Variants in LPP observed in about 807,000 individuals in gnomAD.
LPP encodes the protein lipoma-preferred partner.
A neutral mutation model predicts 60.4 loss-of-function variants in LPP; 38 were observed. The ratio of observed to expected loss-of-function variants is 0.63; its 90% CI spans 0.49 to 0.83. LPP has a LOEUF of 0.83. Ranked by LOEUF, LPP falls within the 40% of genes least tolerant of loss-of-function variation. LPP has a pLI of 0.00. For missense variants in LPP, 902 were observed against 783.6 expected (o/e 1.15, Z -1.80); for synonymous variants, 328 against 290.8 (o/e 1.13, Z -1.30).
intron 4 of LPP, among the ~76,000 whole-genome samples, chr3:188,417,124 A>G (rs1786514454): frequency 6.6e-6 from 1 of 152,038 alleles, no homozygotes; most frequent in Non-Finnish European, 1.5e-5. Context: ...GGGATGTGGC[A>G]TCCTGAGTCT....
At chr3:188,305,435 T>TTTCCACAAATACAATACAC in intron 2 of LPP, among the ~76,000 whole-genome samples, 1 of 152,158 alleles carries the variant, frequency 6.6e-6, no homozygotes, top group Non-Finnish European at 1.5e-5. Context: ...AAATCTGAGA[T>TTTCCACAAATACAATACAC]AGGTACAAAT....
At chr3:188,762,156 G>C (rs1732581737) in intron 9 of LPP, among the ~76,000 whole-genome samples, 1 of 152,108 alleles carries the variant, frequency 6.6e-6, no homozygotes, top group Admixed American at 6.6e-5. Context: ...GACAGTATTG[G>C]GAAACAGTGT....
rs1354710901 is a variant in LPP, at chr3:188,212,046, A to G, written c.-189-13359A>G. On this transcript the variant is annotated intron_variant, in intron 1 of 11. Coordinates refer to ENST00000617246, the MANE Select transcript of LPP (RefSeq NM_001375462.1). ...GCTAATTTTTGTATTTTTAGTAGAG[A>G]CCAGTTTTCACCATGTTGGCCAGGC... Among the ~76,000 whole-genome samples the G allele has an allele frequency of 7.9e-5, 12 of 151,970 alleles. No individual in the cohort carries two copies. The East Asian group carries it at 2.3e-3, about 29-fold the overall frequency.
chr3:188,810,713 C>T lies in LPP; in HGVS notation c.1410+50431C>T, dbSNP rs772284750. ...ATCTTCCACGGATAAAAGGACACTACGGTAGTTGGTTGTTCTGCAGCCTCA... is the reference window on the plus strand; with the variant it reads ...ATCTTCCACGGATAAAAGGACACTATGGTAGTTGGTTGTTCTGCAGCCTCA... On this transcript the variant is annotated intron_variant, in intron 9 of 11. Transcript: ENST00000617246. Among the ~76,000 whole-genome samples, 9 of 152,200 alleles carry T rather than the reference C, an allele frequency of 5.9e-5. No individual in the cohort carries two copies. In the South Asian group the frequency reaches 8.3e-4, roughly 14 times the overall value.
chr3:188,530,853 G>A (rs970880587), intron 6 of LPP, among the ~76,000 whole-genome samples: 1 of 152,166 alleles, frequency 6.6e-6, no homozygotes, highest in African/African-American at 2.4e-5. Context: ...CAACCCATTA[G>A]GTAGGCATGA....
At chr3:188,391,747 A>G (rs1378527579) in intron 3 of LPP, among the ~76,000 whole-genome samples, 1 of 152,010 alleles carries the variant, frequency 6.6e-6, no homozygotes, top group Non-Finnish European at 1.5e-5. Flanking sequence ...CAAAAGCCAT[A>G]GTCAGAATGA....
intron 2 of LPP, among the ~76,000 whole-genome samples, chr3:188,313,081 T>C (rs151301784): frequency 0.022 from 3,288 of 151,846 alleles, 129 homozygotes; most frequent in African/African-American, 0.075. Flanking sequence ...CATGTATACA[T>C]ATGTAACAAA....
At chr3:188,769,819 T>G (rs76502094) in intron 9 of LPP, among the ~76,000 whole-genome samples, 1,927 of 152,206 alleles carry the variant, frequency 0.013, 25 homozygotes, top group African/African-American at 0.028. Flanking sequence ...AAGATTTTGG[T>G]TGGAGAGTGT....
intron 1 of LPP, among the ~76,000 whole-genome samples, chr3:188,198,520 G>A (rs549905062): frequency 1.5e-4 from 23 of 152,152 alleles, no homozygotes; most frequent in Non-Finnish European, 3.2e-4. Context: ...GTAGGCACTG[G>A]GTGGAGTGCT....
At chr3:188,204,124 A>G (rs1000475720) in intron 1 of LPP, among the ~76,000 whole-genome samples, 3 of 152,158 alleles carry the variant, frequency 2.0e-5, no homozygotes, top group African/African-American at 7.2e-5. Flanking sequence ...CTGTGCAGTA[A>G]AGAGGTTTTG....
At chr3:188,522,763 T>A (rs1346777150) in intron 5 of LPP, among the ~76,000 whole-genome samples, 1 of 142,922 alleles carries the variant, frequency 7.0e-6, no homozygotes, top group African/African-American at 2.6e-5. Flanking sequence ...GGTGGCTGTT[T>A]TAGATAATGT....
At position 188,509,414 on chromosome 3, in the gene LPP, A is replaced by G. The variant is rs116690102; in HGVS notation, c.307-15251A>G. ...CATCACATCCAGTTTAATCCTTTCT[A>G]TCTTAACCTGGTTAGGCATATATTT... On this transcript the variant is annotated intron_variant, in intron 5 of 11. Coordinates refer to ENST00000617246, the MANE Select transcript of LPP (RefSeq NM_001375462.1). Among the ~76,000 whole-genome samples the G allele has an allele frequency of 5.6e-3, 856 of 152,264 alleles. 12 individuals carry two copies. The highest frequency in any genetic ancestry group is 0.02 in the African/African-American group (822 of 41,558).
At chr3:188,271,662 G>C (rs1737773796) in intron 2 of LPP, among the ~76,000 whole-genome samples, 1 of 152,170 alleles carries the variant, frequency 6.6e-6, no homozygotes, top group Admixed American at 6.5e-5. Context: ...ATTTTCAACA[G>C]ACTAAAATTG....
intron 6 of LPP, among the ~76,000 whole-genome samples, chr3:188,604,940 C>G (rs78724349): frequency 6.6e-6 from 1 of 152,044 alleles, no homozygotes; most frequent in African/African-American, 2.4e-5. Flanking sequence ...TCCTAGGAAT[C>G]AGCTAGATAA....
At chr3:188,235,917 A>G (rs1214397758) in intron 2 of LPP, among the ~76,000 whole-genome samples, 2 of 152,120 alleles carry the variant, frequency 1.3e-5, no homozygotes, top group Non-Finnish European at 2.9e-5. Flanking sequence ...TCTAGATTGT[A>G]GAAGCTCCTT....
Position 188,572,769 on chromosome 3 carries a change from C to T in LPP, c.430-36392C>T, listed in dbSNP as rs1052700142. Among the ~76,000 whole-genome samples the T allele has an allele frequency of 4.6e-5, 7 of 151,994 alleles. No individual in the cohort carries two copies. Among genetic ancestry groups the T allele is most frequent in the Admixed American group, 3.9e-4 (6 of 15,242 alleles). On this transcript the variant is annotated intron_variant, in intron 6 of 11. Transcript: ENST00000617246. This position sits in a 1 kb window ranked among gnomAD's most constrained non-coding sequence, Gnocchi z 4.1. ...GTAGTAACAAATACTTACCAAATCT[C>T]GGTACTGAAAACAAGGGTTTATTTC...
intron 6 of LPP, among the ~76,000 whole-genome samples, chr3:188,578,170 G>A (rs1835204492): frequency 6.6e-6 from 1 of 151,978 alleles, no homozygotes; most frequent in Non-Finnish European, 1.5e-5. Flanking sequence ...TTACACATAA[G>A]ACTGGTGGTT....
At chr3:188,485,051 C>G (rs1352404734) in intron 5 of LPP, among the ~76,000 whole-genome samples, 1 of 152,110 alleles carries the variant, frequency 6.6e-6, no homozygotes, top group Non-Finnish European at 1.5e-5. Context: ...CTTTTTATTG[C>G]TATGTTCTCT....
At chr3:188,354,555 G>A (rs892665140) in intron 3 of LPP, among the ~76,000 whole-genome samples, 1 of 152,112 alleles carries the variant, frequency 6.6e-6, no homozygotes, top group African/African-American at 2.4e-5. Flanking sequence ...TTAGTGGGGA[G>A]GAATGGATGT....
Sources: allele counts gnomAD v4.1 joint callset (sites outside exome capture counted in the v4.1 genomes callset), GRCh38; gene constraint gnomAD v4.1.1; non-coding constraint Gnocchi (gnomAD v3.1); transcripts MANE v1.5; gene names NCBI Gene and HGNC (gene_info 2026-07-23, HGNC 2026-07-21).